CDH2: variants seen among roughly 807,000 people sequenced by gnomAD.
The protein encoded by CDH2 is cadherin 2.
In CDH2, 17 loss-of-function variants were observed where a neutral mutation model predicts 92.0. The observed-to-expected ratio is 0.18, with a 90% CI of 0.13 to 0.28. The LOEUF (loss-of-function observed/expected upper bound fraction) is 0.28. CDH2 is among the 10% of genes least tolerant of loss of function. CDH2 has a pLI of 1.00. For synonymous variants in CDH2, 419 were observed against 415.9 expected (o/e 1.01, Z -0.09); for missense variants, 862 against 1,133.1 (o/e 0.76, Z 3.44).
chr18:28,135,266 A>G (rs1047684902), intron 2 of CDH2, among the ~76,000 whole-genome samples: 2 of 152,192 alleles, frequency 1.3e-5, no homozygotes, highest in Non-Finnish European at 2.9e-5. Flanking sequence ...ACAAATATCA[A>G]TGTATCATTG....
chr18:27,957,101 T>C (rs1037356467), intron 15 of CDH2, among the ~76,000 whole-genome samples: 93 of 151,048 alleles, frequency 6.2e-4, no homozygotes, highest in African/African-American at 2.1e-3. Context: ...ATTATACTTC[T>C]TATATTTTTT....
intron 1 of CDH2, among the ~76,000 whole-genome samples, chr18:28,165,428 G>A (rs1258259035): frequency 6.6e-6 from 1 of 152,168 alleles, no homozygotes; most frequent in East Asian, 1.9e-4. Flanking sequence ...CTGGGGTCAA[G>A]CTATCCTCTG....
chr18:27,952,544 C>CTT (rs1268242641), intron 15 of CDH2, among the ~76,000 whole-genome samples, 185 bp from the exon 16 acceptor site: 2 of 152,096 alleles, frequency 1.3e-5, no homozygotes, highest in Non-Finnish European at 2.9e-5. Flanking sequence ...CAAAAATTAA[C>CTT]TTATATCTTT....
chr18:28,176,077 C>T (rs1405708802), intron 1 of CDH2, among the ~76,000 whole-genome samples: 1 of 152,188 alleles, frequency 6.6e-6, no homozygotes, highest in Non-Finnish European at 1.5e-5. Context: ...GAACCTGCGC[C>T]CGGACTGGAG....
In CDH2 at chr18:28,013,749, G is replaced by T; in HGVS notation, c.333C>A (p.Thr111=). ...KFLIYAQDKE[T]QEKWQVAVKL... is the part of the protein sequence containing the mutation. ...TTACTGCCACTTGCCACTTTTCCTG[G>T]GTCTCTTTGTCTTGGGCATATATCA... Residue 111 remains threonine (T), a synonymous_variant, in exon 3 of 16, where the codon ACC becomes ACA. Transcript: ENST00000269141. 1.2e-6 allele frequency: 2 copies of T among 1,613,824 alleles called. No individual in the cohort carries two copies. The highest frequency in any genetic ancestry group is 1.1e-5 in the South Asian group (1 of 91,072).
chr18:28,117,918 G>A (rs2015522165), intron 2 of CDH2, among the ~76,000 whole-genome samples: 1 of 152,024 alleles, frequency 6.6e-6, no homozygotes, highest in Non-Finnish European at 1.5e-5. Flanking sequence ...TAAATGACAT[G>A]CACCACCCTG....
intron 2 of CDH2, among the ~76,000 whole-genome samples, chr18:28,119,318 C>G (rs544890080): frequency 6.6e-6 from 1 of 152,142 alleles, no homozygotes; most frequent in East Asian, 1.9e-4. Context: ...GGCAAAGGAC[C>G]ACCATATGGG....
At chr18:28,164,726 CAATT>C (rs1379503874) in intron 1 of CDH2, among the ~76,000 whole-genome samples, 1 of 152,074 alleles carries the variant, frequency 6.6e-6, no homozygotes, top group Non-Finnish European at 1.5e-5. Flanking sequence ...GCATATGAAA[CAATT>C]AAATTACAGA....
chr18:28,038,501 T>TA (rs2144101116), intron 2 of CDH2, among the ~76,000 whole-genome samples: 1 of 151,696 alleles, frequency 6.6e-6, no homozygotes, highest in East Asian at 1.9e-4. Flanking sequence ...CTGAGTGCTA[T>TA]AAAGGACTCA....
intron 2 of CDH2, among the ~76,000 whole-genome samples, chr18:28,113,541 C>T (rs1031028012): frequency 6.6e-6 from 1 of 150,814 alleles, no homozygotes; most frequent in Admixed American, 6.6e-5. Context: ...AAATATTCTC[C>T]ACTGCCTAAG....
Position 28,008,777 on chromosome 18 carries a change from A to C in CDH2, c.702+940T>G, listed in dbSNP as rs150069736. 4.0e-4 allele frequency among the ~76,000 whole-genome samples: 61 copies of C among 152,296 alleles called. 1 individual carries two copies. The East Asian group carries it at 0.011, about 27-fold the overall frequency. On this transcript the variant is annotated intron_variant, in intron 5 of 15. Transcript: ENST00000269141. ...AAAAAGAAAAAACTTCAGTAATTTT[A>C]AAAGTTGGTAAAAGTACAAGAATTC... is the stretch of plus-strand genomic sequence containing the variant.
At chr18:28,131,629 A>G (rs2015771271) in intron 2 of CDH2, among the ~76,000 whole-genome samples, 1 of 152,086 alleles carries the variant, frequency 6.6e-6, no homozygotes, top group Non-Finnish European at 1.5e-5. Flanking sequence ...CCATTTTGAG[A>G]GAGGGAGAAA....
chr18:28,086,310 A>G (rs1402621016), intron 2 of CDH2, among the ~76,000 whole-genome samples: 1 of 152,130 alleles, frequency 6.6e-6, no homozygotes, highest in African/African-American at 2.4e-5. Flanking sequence ...CTCTATAGTT[A>G]TTCAGTTATT....
intron 9 of CDH2, 31 bp from the exon 10 acceptor site, chr18:27,990,381 C>T (rs2012378759): frequency 1.3e-6 from 2 of 1,591,200 alleles, no homozygotes; most frequent in African/African-American, 1.3e-5. Flanking sequence ...CATATTTTTG[C>T]AGGAAATAAG....
chr18:28,083,408 G>A (rs1825786278), intron 2 of CDH2, among the ~76,000 whole-genome samples: 2 of 151,660 alleles, frequency 1.3e-5, no homozygotes, highest in African/African-American at 4.8e-5. Flanking sequence ...GACCACACTG[G>A]ACTGAATAGA....
At chr18:28,138,923 C>T (rs940042014) in intron 2 of CDH2, among the ~76,000 whole-genome samples, 2 of 152,012 alleles carry the variant, frequency 1.3e-5, no homozygotes, top group African/African-American at 4.8e-5. Flanking sequence ...ATCTCCTCCT[C>T]ATTTGGGGGA....
chr18:28,029,146 T>C (rs1336259159), intron 2 of CDH2, among the ~76,000 whole-genome samples: 3 of 152,020 alleles, frequency 2.0e-5, no homozygotes, highest in Admixed American at 2.0e-4. Context: ...TCCAACAATC[T>C]AAAGGGATAG....
downstream of CDH2, among the ~76,000 whole-genome samples, chr18:27,946,841 A>G (rs1276741236): frequency 6.6e-6 from 1 of 152,008 alleles, no homozygotes. Context: ...AGAAAATCTA[A>G]TGGCATTAAT....
chr18:28,015,066 C>G (rs1047536644), intron 2 of CDH2, among the ~76,000 whole-genome samples: 1 of 152,012 alleles, frequency 6.6e-6, no homozygotes, highest in African/African-American at 2.4e-5. Flanking sequence ...TAATCAAATA[C>G]ACCTTGTGCA....
Sources: allele counts gnomAD v4.1 joint callset (sites outside exome capture counted in the v4.1 genomes callset), GRCh38; gene constraint gnomAD v4.1.1; transcripts MANE v1.5; gene names NCBI Gene and HGNC (gene_info 2026-07-23, HGNC 2026-07-21).